Variants in MAPDA observed in about 807,000 individuals in gnomAD.
The protein encoded by MAPDA is N6-Methyl-AMP deaminase, also known as N6,N6-dimethyl-AMP deaminase.
At chr15:43,338,826 T>A in the MAPDA span, among the ~76,000 whole-genome samples, 1 of 152,250 alleles carries the variant, frequency 6.6e-6, no homozygotes, top group African/African-American at 2.4e-5. Flanking sequence ...CACTGTGGCC[T>A]AGATAAATCT....
chr15:43,340,304 G>A, the MAPDA span: 63 of 1,614,048 alleles, frequency 3.9e-5, 1 homozygote, highest in South Asian at 1.9e-4. Flanking sequence ...AGATGACGGC[G>A]TCAAGTACCT....
At chr15:43,339,752 G>A in the MAPDA span, among the ~76,000 whole-genome samples, 1 of 152,146 alleles carries the variant, frequency 6.6e-6, no homozygotes, top group Non-Finnish European at 1.5e-5. Context: ...AGTACTTCTC[G>A]AGAAAATTTA....
the MAPDA span, among the ~76,000 whole-genome samples, chr15:43,332,982 A>G: frequency 1.3e-5 from 2 of 152,176 alleles, no homozygotes; most frequent in African/African-American, 2.4e-5. Context: ...TTTAATGTGT[A>G]AAGATTATGA....
chr15:43,333,191 C>G, the MAPDA span: 5 of 152,232 alleles, frequency 3.3e-5, no homozygotes, highest in African/African-American at 1.2e-4. Context: ...TGGTGGATCA[C>G]TTGAGCCCAG....
chr15:43,342,972 A>G, the MAPDA span: 15 of 1,512,330 alleles, frequency 9.9e-6, no homozygotes, highest in Non-Finnish European at 1.2e-5. Flanking sequence ...CTTTACATGT[A>G]TTTTCTATGT....
the MAPDA span, among the ~76,000 whole-genome samples, chr15:43,332,862 C>T: frequency 6.6e-6 from 1 of 152,116 alleles, no homozygotes; most frequent in African/African-American, 2.4e-5. Flanking sequence ...TGGATCTTAT[C>T]CCAGTGTTTG....
the MAPDA span, chr15:43,335,110 G>A: frequency 1.2e-6 from 2 of 1,613,808 alleles, no homozygotes; most frequent in Non-Finnish European, 1.7e-6. Flanking sequence ...CTGCTAAAAT[G>A]ATAGAGGCAG....
At chr15:43,335,103 C>T in the MAPDA span, 3 of 1,612,126 alleles carry the variant, frequency 1.9e-6, no homozygotes, top group Non-Finnish European at 1.7e-6. Flanking sequence ...TTTTTTCCTG[C>T]TAAAATGATA....
chr15:43,354,137 A>C, the MAPDA span: 1 of 152,116 alleles, frequency 6.6e-6, no homozygotes, highest in African/African-American at 2.4e-5. Context: ...TGCAAAATTG[A>C]TTGCTTGCTT....
At chr15:43,348,797 A>G in the MAPDA span, 1 of 1,105,258 alleles carries the variant, frequency 9.0e-7, no homozygotes, top group South Asian at 1.9e-5. Flanking sequence ...GTTTTCCAAA[A>G]GGTCTGCATT....
At chr15:43,332,904 G>C in the MAPDA span, among the ~76,000 whole-genome samples, 1 of 152,176 alleles carries the variant, frequency 6.6e-6, no homozygotes, top group Non-Finnish European at 1.5e-5. Context: ...AACCAGTCCA[G>C]AAAAGTTAAA....
the MAPDA span, chr15:43,346,127 C>T: frequency 1.8e-6 from 2 of 1,089,978 alleles, no homozygotes; most frequent in South Asian, 1.6e-5. Context: ...CCCTGGATGA[C>T]CAGAATGCCT....
At chr15:43,344,787 CAA>C in the MAPDA span, among the ~76,000 whole-genome samples, 1 of 115,920 alleles carries the variant, frequency 8.6e-6, no homozygotes, top group African/African-American at 3.8e-5. Flanking sequence ...GCCTGGGTGA[CAA>C]GAATGAAATT....
the MAPDA span, chr15:43,352,029 C>A: frequency 7.3e-7 from 1 of 1,373,652 alleles, no homozygotes; most frequent in Non-Finnish European, 9.8e-7. Context: ...TCCACCACTC[C>A]TTTGAAGCAT....
chr15:43,344,945 C>A, the MAPDA span, among the ~76,000 whole-genome samples: 1 of 151,898 alleles, frequency 6.6e-6, no homozygotes, highest in Non-Finnish European at 1.5e-5. Flanking sequence ...ATTTTGTAAC[C>A]CCCTAATGAA....
chr15:43,353,401 C>T, the MAPDA span: 2 of 152,180 alleles, frequency 1.3e-5, no homozygotes, highest in Admixed American at 6.5e-5. Context: ...GATGACACCC[C>T]TAATTTAAAT....
At chr15:43,350,970 C>T in the MAPDA span, 1 of 1,551,542 alleles carries the variant, frequency 6.4e-7, no homozygotes, top group Non-Finnish European at 8.7e-7. Context: ...CGTCAAAAGT[C>T]AGACAGTTCC....
At chr15:43,344,764 C>A in the MAPDA span, among the ~76,000 whole-genome samples, 1 of 150,146 alleles carries the variant, frequency 6.7e-6, no homozygotes, top group Non-Finnish European at 1.5e-5. Context: ...TGAGATCGTG[C>A]CATTTCACTC....
At chr15:43,333,130 T>C in the MAPDA span, among the ~76,000 whole-genome samples, 4 of 152,096 alleles carry the variant, frequency 2.6e-5, no homozygotes, top group Non-Finnish European at 4.4e-5. Context: ...TGGAGTAAAA[T>C]TGAAAATCTG....
Sources: gnomAD v4.1 joint callset for allele counts (sites outside exome capture counted in the v4.1 genomes callset) on GRCh38, gnomAD v4.1.1 for gene constraint, MANE v1.5 for transcripts, NCBI Gene and HGNC (gene_info 2026-07-23, HGNC 2026-07-21) for gene names.